The following COL23A1 variants were observed in gnomAD, a reference collection of about 807,000 sequenced individuals.
COL23A1 encodes collagen alpha-1(XXIII) chain.
Under a neutral mutation model 99.3 loss-of-function variants are expected in COL23A1, and 97 were observed. The observed-to-expected ratio is 0.98, with a 90% CI of 0.83 to 1.16. The LOEUF (loss-of-function observed/expected upper bound fraction) is 1.16. Among genes scored for constraint, COL23A1 ranks in the 50% most tolerant of loss-of-function variants. The pLI, the probability that COL23A1 is intolerant of heterozygous loss-of-function variation, is 0.00. For synonymous variants in COL23A1, 320 were observed against 308.2 expected (o/e 1.04, Z -0.40); for missense variants, 762 against 757.4 (o/e 1.01, Z -0.07).
At chr5:178,480,646 T>C (rs962766963) in intron 2 of COL23A1, among the ~76,000 whole-genome samples, 1 of 152,224 alleles carries the variant, frequency 6.6e-6, no homozygotes, top group Non-Finnish European at 1.5e-5. Flanking sequence ...GTCTCCCTTA[T>C]GCTGTGTTCA....
intron 2 of COL23A1, among the ~76,000 whole-genome samples, chr5:178,391,714 G>A (rs998826295): frequency 6.6e-6 from 1 of 152,166 alleles, no homozygotes; most frequent in Non-Finnish European, 1.5e-5. Context: ...ATACGATCTA[G>A]TAATTCTGCT....
intron 2 of COL23A1, among the ~76,000 whole-genome samples, chr5:178,374,878 G>C (rs763137245): frequency 6.6e-6 from 1 of 152,100 alleles, no homozygotes; most frequent in African/African-American, 2.4e-5. Flanking sequence ...CGAGGCATCA[G>C]GAGTCAAATT....
At chr5:178,569,288 T>G (rs1327033634) in intron 1 of COL23A1, among the ~76,000 whole-genome samples, 1 of 152,230 alleles carries the variant, frequency 6.6e-6, no homozygotes, top group Non-Finnish European at 1.5e-5. Context: ...TTATAGAATC[T>G]GTATACTAGA....
chr5:178,562,564 GA>G (rs746935339), intron 1 of COL23A1: 38,002 of 115,676 alleles, frequency 0.33, 4,718 homozygotes, highest in East Asian at 0.44. Context: ...AATAAAAAAA[GA>G]AAAAAAAAAA....
intron 2 of COL23A1, among the ~76,000 whole-genome samples, chr5:178,318,930 C>T (rs1022577931): frequency 6.6e-6 from 1 of 151,468 alleles, no homozygotes; most frequent in African/African-American, 2.4e-5. Context: ...AAGGGGCTCT[C>T]AAGGGTGGAG....
At chr5:178,268,795 G>A (rs778366481) in intron 6 of COL23A1, 39 bp from the exon 7 acceptor site, 2 of 1,588,106 alleles carry the variant, frequency 1.3e-6, no homozygotes, top group Non-Finnish European at 8.6e-7. Context: ...ACCTGAGTGA[G>A]GGGCCTAGGC....
intron 2 of COL23A1, among the ~76,000 whole-genome samples, chr5:178,317,359 A>G (rs1759035965): frequency 6.6e-6 from 1 of 152,204 alleles, no homozygotes; most frequent in Non-Finnish European, 1.5e-5. Context: ...TTGGTTGTTA[A>G]CCAGGCAAGG....
intron 2 of COL23A1, among the ~76,000 whole-genome samples, chr5:178,501,409 G>A (rs1758526341): frequency 1.3e-5 from 2 of 152,006 alleles, no homozygotes; most frequent in South Asian, 4.2e-4. Context: ...ATGATGAAAT[G>A]TCTCTACTAA....
At position 178,365,070 on chromosome 5, in the gene COL23A1, G is replaced by A. The variant is rs566822124; in HGVS notation, c.362-58151C>T. On this transcript the variant is annotated intron_variant, in intron 2 of 28. Transcript: ENST00000390654. The surrounding 1 kb of genome is among the most constrained non-coding windows in gnomAD (Gnocchi z 5.2). ...CAGATACAGCAGTAAAGAATAAACC[G>A]TAGGGGCAATAACAATCTCTTTGTA... is the stretch of plus-strand genomic sequence containing the variant. Among the ~76,000 whole-genome samples the A allele has an allele frequency of 2.0e-5, 3 of 152,098 alleles. No individual in the cohort carries two copies. The highest frequency in any genetic ancestry group is 2.9e-5 in the Non-Finnish European group (2 of 68,034).
intron 2 of COL23A1, among the ~76,000 whole-genome samples, chr5:178,380,738 A>T (rs1361837062): frequency 6.6e-6 from 1 of 152,286 alleles, no homozygotes; most frequent in South Asian, 2.1e-4. Context: ...TCCGGGGCCA[A>T]TGTCGGGACC....
At chr5:178,534,331 C>T (rs910352623) in intron 2 of COL23A1, among the ~76,000 whole-genome samples, 1 of 152,136 alleles carries the variant, frequency 6.6e-6, no homozygotes, top group Admixed American at 6.6e-5. Flanking sequence ...ACCGTCATGA[C>T]TTAACCACCT....
At chr5:178,296,302 T>C (rs2127592558) in intron 3 of COL23A1, among the ~76,000 whole-genome samples, 1 of 152,170 alleles carries the variant, frequency 6.6e-6, no homozygotes, top group East Asian at 1.9e-4. Context: ...CACTGAGCAC[T>C]CCTCGTGCAC....
rs70997608 is a variant in COL23A1, at chr5:178,523,163, C to CATATATATAT, written c.361+37509_361+37518dup. Among the ~76,000 whole-genome samples the CATATATATAT allele has an allele frequency of 3.0e-4, 29 of 95,540 alleles. 1 individual carries two copies. The highest frequency in any genetic ancestry group is 4.9e-4 in the Non-Finnish European group (24 of 49,440). The allele number at this position is 95,540 out of a possible 152,430, so 62.7% of individuals were successfully genotyped here. On this transcript the variant is annotated intron_variant, in intron 2 of 28. Transcript: ENST00000390654. ...TTAAAAATATATATATATATATATA[C>CATATATATAT]ATATATATATATATACACATATATA...
At chr5:178,252,252 G>A (rs1765076233) in intron 17 of COL23A1, among the ~76,000 whole-genome samples, 1 of 152,138 alleles carries the variant, frequency 6.6e-6, no homozygotes, top group Non-Finnish European at 1.5e-5. Flanking sequence ...TAGGATAATG[G>A]CCTCTGGCTG....
intron 1 of COL23A1, among the ~76,000 whole-genome samples, chr5:178,568,055 T>C (rs147585557): frequency 6.6e-6 from 1 of 152,372 alleles, no homozygotes; most frequent in Non-Finnish European, 1.5e-5. Context: ...GCTGGCCCCA[T>C]GGGCCCCCGA....
intron 2 of COL23A1, among the ~76,000 whole-genome samples, chr5:178,427,028 C>A (rs948286352): frequency 6.6e-6 from 1 of 152,158 alleles, no homozygotes; most frequent in African/African-American, 2.4e-5. Context: ...GAAACCCCGT[C>A]TCTACTAAAA....
At chr5:178,473,725 C>T (rs927554654) in intron 2 of COL23A1, among the ~76,000 whole-genome samples, 1 of 152,082 alleles carries the variant, frequency 6.6e-6, no homozygotes, top group South Asian at 2.1e-4. Flanking sequence ...CACCTATGAT[C>T]AGCCTTACCC....
chr5:178,358,623 G>GTGTA lies in COL23A1; in HGVS notation c.362-51708_362-51705dup, dbSNP rs538034607. Among the ~76,000 whole-genome samples, 3 of 146,112 alleles carry GTGTA rather than the reference G, an allele frequency of 2.1e-5. No homozygotes were observed. The Admixed American group carries it at 2.1e-4, about 10-fold the overall frequency. On this transcript the variant is annotated intron_variant, in intron 2 of 28. Transcript: ENST00000390654. ...TATGTGTGTATGCGTGTATGTATGT[G>GTGTA]TGTATGTGTCTAGTGTGTGTGTGTA...
chr5:178,354,785 G>C (rs1277093354), intron 2 of COL23A1, among the ~76,000 whole-genome samples: 2 of 152,116 alleles, frequency 1.3e-5, no homozygotes, highest in Non-Finnish European at 2.9e-5. Flanking sequence ...GGTTGGGTGT[G>C]GTGGCTCATG....
Sources: allele counts gnomAD v4.1 joint callset (sites outside exome capture counted in the v4.1 genomes callset), GRCh38; gene constraint gnomAD v4.1.1; non-coding constraint Gnocchi (gnomAD v3.1); transcripts MANE v1.5; gene names NCBI Gene and HGNC (gene_info 2026-07-23, HGNC 2026-07-21).